Variants in RPSA2 observed in about 807,000 individuals in gnomAD.
RPSA2 encodes small ribosomal subunit protein uS2B.
At chr19:23,806,466 A>C in the RPSA2 span, among the ~76,000 whole-genome samples, 1 of 152,076 alleles carries the variant, frequency 6.6e-6, no homozygotes, top group Non-Finnish European at 1.5e-5. Flanking sequence ...TCATTTAAAC[A>C]GAATGGCATT....
At chr19:23,846,283 T>G in the RPSA2 span, among the ~76,000 whole-genome samples, 1 of 151,698 alleles carries the variant, frequency 6.6e-6, no homozygotes, top group Middle Eastern at 3.4e-3. Context: ...ATCTATACAT[T>G]TCAATGAAGG....
the RPSA2 span, among the ~76,000 whole-genome samples, chr19:23,815,179 C>A: frequency 6.6e-6 from 1 of 152,124 alleles, no homozygotes; most frequent in Non-Finnish European, 1.5e-5. Context: ...AGTATGTGTC[C>A]TAACAGAATA....
the RPSA2 span, among the ~76,000 whole-genome samples, chr19:23,784,603 A>T: frequency 3.3e-5 from 5 of 152,328 alleles, no homozygotes; most frequent in South Asian, 1.0e-3. Context: ...CTATTGTATG[A>T]AGCCCTCAGG....
At chr19:23,868,541 C>A in the RPSA2 span, among the ~76,000 whole-genome samples, 50 of 152,184 alleles carry the variant, frequency 3.3e-4, no homozygotes, top group Non-Finnish European at 6.6e-4. Context: ...ACACCAGCCA[C>A]CACCTCAAAC....
At chr19:23,855,385 A>G in the RPSA2 span, among the ~76,000 whole-genome samples, 1 of 152,212 alleles carries the variant, frequency 6.6e-6, no homozygotes, top group Non-Finnish European at 1.5e-5. Context: ...TAGCATATGG[A>G]GAAGTAGGAC....
chr19:23,808,900 G>C, the RPSA2 span: 1 of 341,332 alleles, frequency 2.9e-6, no homozygotes, highest in African/African-American at 2.2e-5. Flanking sequence ...TTGGGAAGCT[G>C]TGTTCAAAAG....
the RPSA2 span, among the ~76,000 whole-genome samples, chr19:23,854,492 T>C: frequency 6.6e-6 from 1 of 152,174 alleles, no homozygotes; most frequent in Non-Finnish European, 1.5e-5. Context: ...CACATTGGTC[T>C]GAGTCTGAGG....
At chr19:23,864,178 G>A in the RPSA2 span, among the ~76,000 whole-genome samples, 1 of 152,174 alleles carries the variant, frequency 6.6e-6, no homozygotes, top group South Asian at 2.1e-4. Flanking sequence ...CTGGCTTTGG[G>A]CATGCAAAGA....
At chr19:23,819,967 G>C in the RPSA2 span, among the ~76,000 whole-genome samples, 2 of 152,186 alleles carry the variant, frequency 1.3e-5, no homozygotes, top group African/African-American at 4.8e-5. Context: ...TAGAGTCAGG[G>C]GCAGTCGAAA....
chr19:23,809,776 A>G, the RPSA2 span, among the ~76,000 whole-genome samples: 148,724 of 152,048 alleles, frequency 0.98, 72,828 homozygotes, highest in Middle Eastern at 1. Context: ...GTCTACCAAC[A>G]GCAATGTTTT....
At chr19:23,839,098 C>T in the RPSA2 span, among the ~76,000 whole-genome samples, 1 of 152,090 alleles carries the variant, frequency 6.6e-6, no homozygotes. Context: ...CTGTTAGTAC[C>T]ACCTTAGCTG....
the RPSA2 span, among the ~76,000 whole-genome samples, chr19:23,859,401 G>A: frequency 8.0e-4 from 122 of 152,240 alleles, no homozygotes; most frequent in African/African-American, 2.9e-3. Context: ...GGCTGTGGTG[G>A]GCGAATCACC....
the RPSA2 span, among the ~76,000 whole-genome samples, chr19:23,829,254 C>A: frequency 6.6e-6 from 1 of 151,768 alleles, no homozygotes; most frequent in Admixed American, 6.6e-5. Context: ...ATTCTCTTTC[C>A]ATCTTTGTGT....
At chr19:23,826,534 G>GT in the RPSA2 span, among the ~76,000 whole-genome samples, 7 of 151,782 alleles carry the variant, frequency 4.6e-5, no homozygotes, top group African/African-American at 9.7e-5. Context: ...ACACCACTCT[G>GT]TTTTTTGTTT....
the RPSA2 span, among the ~76,000 whole-genome samples, chr19:23,836,099 C>G: frequency 6.6e-6 from 1 of 151,748 alleles, no homozygotes; most frequent in Non-Finnish European, 1.5e-5. Context: ...CACCCATCAC[C>G]CAAGCAGTAT....
At chr19:23,767,637 G>C in the RPSA2 span, among the ~76,000 whole-genome samples, 1 of 151,898 alleles carries the variant, frequency 6.6e-6, no homozygotes, top group African/African-American at 2.4e-5. Context: ...GGGGATGACA[G>C]AATATTTTGA....
chr19:23,777,287 A>G, the RPSA2 span, among the ~76,000 whole-genome samples: 1 of 152,252 alleles, frequency 6.6e-6, no homozygotes, highest in African/African-American at 2.4e-5. Context: ...CCCTGCATAC[A>G]TTATGTATTT....
the RPSA2 span, among the ~76,000 whole-genome samples, chr19:23,806,025 ATCTATC>A: frequency 7.0e-6 from 1 of 142,212 alleles, no homozygotes; most frequent in African/African-American, 2.6e-5. Context: ...CTATCTATCT[ATCTATC>A]TATCCTTCTT....
the RPSA2 span, among the ~76,000 whole-genome samples, chr19:23,863,321 T>G: frequency 2.0e-5 from 3 of 152,138 alleles, no homozygotes; most frequent in Non-Finnish European, 4.4e-5. Flanking sequence ...CTCAGCACAT[T>G]GGGAGGCTAA....
Sources: gnomAD v4.1 joint callset for allele counts (sites outside exome capture counted in the v4.1 genomes callset) on GRCh38, gnomAD v4.1.1 for gene constraint, MANE v1.5 for transcripts, NCBI Gene and HGNC (gene_info 2026-07-23, HGNC 2026-07-21) for gene names.